The following MSTO1 variants were observed in gnomAD, a reference collection of about 807,000 sequenced individuals.
MSTO1 encodes the protein misato mitochondrial distribution and morphology regulator 1.
Under a neutral mutation model 55.7 loss-of-function variants are expected in MSTO1, and 24 were observed. The ratio of observed to expected loss-of-function variants is 0.43; its 90% confidence interval spans 0.31 to 0.61. The LOEUF (loss-of-function observed/expected upper bound fraction) is 0.61. Ranked by LOEUF, MSTO1 falls within the 20% of genes least tolerant of loss-of-function variation. MSTO1 has a pLI of 0.09. For missense variants in MSTO1, 363 were observed against 625.7 expected (o/e 0.58, Z 4.48); for synonymous variants, 162 against 252.8 (o/e 0.64, Z 3.41).
chr1:155,563,673 C>G, the MSTO1 span: 1 of 416,642 alleles, frequency 2.4e-6, no homozygotes. Context: ...CAGTTCTGGA[C>G]TTAGTCTCCC....
chr1:155,613,196 G>C lies in MSTO1; in HGVS notation c.1246G>C (p.Val416Leu). 1.2e-6 allele frequency: 2 copies of C among 1,614,168 alleles called. No homozygotes were observed. Among genetic ancestry groups the C allele is most frequent in the Non-Finnish European group, 1.7e-6 (2 of 1,180,034 alleles). ...PSGTRCFAQS[V>L]VLRGIDRACH... is the part of the protein sequence containing the mutation. ...TGGAACACGTTGCTTTGCCCAGTCA[G>C]TGGTGCTGAGGGGTATAGACAGAGC... Residue 416 changes from valine (V) to leucine (L), a missense_variant, in exon 11 of 14, where the codon GTG becomes CTG. Coordinates refer to ENST00000245564, the MANE Select transcript of MSTO1 (RefSeq NM_018116.4).
At chr1:155,570,493 C>T in the MSTO1 span, among the ~76,000 whole-genome samples, 1 of 152,180 alleles carries the variant, frequency 6.6e-6, no homozygotes, top group East Asian at 1.9e-4. Context: ...GATCCCCCTT[C>T]TTAGGTATAG....
At chr1:155,589,081 T>G in the MSTO1 span, among the ~76,000 whole-genome samples, 2 of 152,172 alleles carry the variant, frequency 1.3e-5, no homozygotes, top group Non-Finnish European at 2.9e-5. Flanking sequence ...ACAGATCACC[T>G]GAGGTCGGGA....
intron 8 of MSTO1, 23 bp from the exon 9 acceptor site, chr1:155,612,395 A>G: frequency 1.2e-6 from 2 of 1,602,438 alleles, no homozygotes; most frequent in South Asian, 2.2e-5. Flanking sequence ...GCTGCTTAAT[A>G]CAAACTACTC....
Position 155,613,247 on chromosome 1 carries a change from G to A in MSTO1, c.1283+14G>A, listed in dbSNP as rs1172425362. 3.1e-6 allele frequency: 5 copies of A among 1,604,962 alleles called. No individual in the cohort carries two copies. Among genetic ancestry groups the A allele is most frequent in the African/African-American group, 1.3e-5 (1 of 74,484 alleles). ...ATGCCACACAAGGTGAGAGCTGTTG[G>A]TCCTTAGGAGTCCTTGTCAGATTTT... On this transcript the variant is annotated intron_variant, in intron 11 of 13. Transcript: ENST00000245564.
At chr1:155,568,767 C>T in the MSTO1 span, among the ~76,000 whole-genome samples, 2 of 152,062 alleles carry the variant, frequency 1.3e-5, no homozygotes, top group East Asian at 1.9e-4. Flanking sequence ...GTTTTGTTTA[C>T]GAAAATGTTT....
the MSTO1 span, chr1:155,563,792 A>G: frequency 2.8e-6 from 1 of 351,166 alleles, no homozygotes; most frequent in African/African-American, 2.1e-5. Context: ...ATAATAAGAT[A>G]ATATATGTAA....
intron 4 of MSTO1, 122 bp from the exon 5 acceptor site, chr1:155,611,427 G>A (rs535610050): frequency 6.9e-6 from 11 of 1,600,474 alleles, no homozygotes; most frequent in Admixed American, 3.6e-5. Context: ...TTTTCCTAAG[G>A]ACTGCGACTC....
At position 155,611,292 on chromosome 1, in the gene MSTO1, G is replaced by C. The variant is rs781637955; in HGVS notation, c.366+1G>C. The C allele has an allele frequency of 5.0e-6, 8 of 1,613,630 alleles. No individual in the cohort carries two copies. The highest frequency in any genetic ancestry group is 5.9e-6 in the Non-Finnish European group (7 of 1,179,802). ...TCTCCAAGACTTTCTGAGTGCAGAG[G>C]TGAGGGCCTCTGTCCTGAACTTTTT... On this transcript the variant is annotated splice_donor_variant, in intron 4 of 13. Coordinates refer to ENST00000245564, the MANE Select transcript of MSTO1 (RefSeq NM_018116.4). LOFTEE classifies it high-confidence loss of function.
the MSTO1 span, among the ~76,000 whole-genome samples, chr1:155,592,955 A>G: frequency 1.3e-5 from 2 of 151,988 alleles, no homozygotes; most frequent in Non-Finnish European, 2.9e-5. Context: ...TCTGTCTCCC[A>G]GGCTGGAGTG....
the MSTO1 span, among the ~76,000 whole-genome samples, chr1:155,589,072 C>T: frequency 6.6e-6 from 1 of 152,100 alleles, no homozygotes; most frequent in Non-Finnish European, 1.5e-5. Flanking sequence ...CCAAGGCGGA[C>T]AGATCACCTG....
chr1:155,609,243 A>ATATATATATATTT (rs59756178), upstream of MSTO1, among the ~76,000 whole-genome samples: 28 of 54,572 alleles, frequency 5.1e-4, no homozygotes, highest in East Asian at 1.9e-3. Flanking sequence ...ATATATATAT[A>ATATATATATATTT]TTTTTTTTTT....
At position 155,612,604 on chromosome 1, in the gene MSTO1, G is replaced by C. The variant is rs1487618522; in HGVS notation, c.966+34G>C. On this transcript the variant is annotated intron_variant, in intron 9 of 13. Coordinates refer to ENST00000245564, the MANE Select transcript of MSTO1 (RefSeq NM_018116.4). ...CGGTGCTCTTGTTCTGACTGCGGCA[G>C]GCTACAGGGCCTCCTCATGCTCCCA... The C allele has an allele frequency of 2.5e-6, 4 of 1,582,028 alleles. No individual in the cohort carries two copies. The East Asian group carries it at 9.0e-5, about 35-fold the overall frequency.
At chr1:155,580,883 G>A in the MSTO1 span, among the ~76,000 whole-genome samples, 1 of 138,494 alleles carries the variant, frequency 7.2e-6, no homozygotes, top group East Asian at 2.1e-4. Context: ...CACTCCACTT[G>A]GGTAACAGAG....
chr1:155,585,099 A>G, the MSTO1 span, among the ~76,000 whole-genome samples: 75 of 152,142 alleles, frequency 4.9e-4, no homozygotes, highest in Non-Finnish European at 7.9e-4. Context: ...TTCCTTGATT[A>G]TAAGGTCAGG....
At chr1:155,610,945 T>G in intron 2 of MSTO1, 94 bp from the exon 3 acceptor site, 1 of 426,804 alleles carries the variant, frequency 2.3e-6, no homozygotes, top group Non-Finnish European at 4.1e-6. Flanking sequence ...GGAGAGATGG[T>G]GACAGCAGGT....
Position 155,612,308 on chromosome 1 carries a change from C to T in MSTO1, c.805C>T (p.His269Tyr). Reference sequence around the variant, plus strand: ...CTGGGGCCTGCTACCTGGTCCCTACCATCGTGGGGTGAGTGGAACTTAGAG... The same window carrying T: ...CTGGGGCCTGCTACCTGGTCCCTACTATCGTGGGGTGAGTGGAACTTAGAG... ...ITWGLLPGPY[H>Y]RGEAQRNIYR... Residue 269 changes from histidine to tyrosine, a missense_variant, in exon 8 of 14, where the codon CAT (histidine) becomes TAT (tyrosine). Around this residue, in one of 3 missense-constraint regions of MSTO1, gnomAD observed 231 missense variants for 286.9 expected, o/e 0.81. Coordinates refer to ENST00000245564, the MANE Select transcript of MSTO1 (RefSeq NM_018116.4). 3 of 1,578,616 alleles carry T rather than the reference C, an allele frequency of 1.9e-6. No homozygotes were observed. Among genetic ancestry groups the T allele is most frequent in the Non-Finnish European group, 2.6e-6 (3 of 1,161,370 alleles).
the MSTO1 span, among the ~76,000 whole-genome samples, chr1:155,575,591 C>T: frequency 4.0e-5 from 6 of 151,878 alleles, no homozygotes; most frequent in Non-Finnish European, 7.4e-5. Flanking sequence ...CACAGTGGCA[C>T]GCCACCGCAC....
the MSTO1 span, chr1:155,563,259 C>T: frequency 2.2e-6 from 1 of 456,450 alleles, no homozygotes; most frequent in Non-Finnish European, 4.4e-6. Context: ...GTAGCAGGAC[C>T]GCTGCTGTGG....
Sources: gnomAD v4.1 joint callset for allele counts (sites outside exome capture counted in the v4.1 genomes callset) on GRCh38, gnomAD v4.1.1 for gene constraint, gnomAD v4.1.1 regional missense constraint, MANE v1.5 for transcripts, NCBI Gene and HGNC (gene_info 2026-07-23, HGNC 2026-07-21) for gene names.